Variants in MYRF observed in about 807,000 individuals in gnomAD.
The protein encoded by MYRF is myelin gene regulatory factor.
In MYRF, 16 loss-of-function variants were observed where a neutral mutation model predicts 126.3. The ratio of observed to expected loss-of-function variants is 0.13; its 90% confidence interval spans 0.09 to 0.19. The LOEUF is 0.19. MYRF is among the 10% of genes least tolerant of loss of function. The pLI, the probability that MYRF is intolerant of heterozygous loss-of-function variation, is 1.00. For missense variants in MYRF, 1,104 were observed against 1,547.0 expected (o/e 0.71, Z 4.80); for synonymous variants, 608 against 635.3 (o/e 0.96, Z 0.65).
chr11:61,784,043 T>G lies in MYRF; in HGVS notation c.3194+118T>G, dbSNP rs981792160. On this transcript the variant is annotated intron_variant, in intron 24 of 26. Coordinates refer to ENST00000278836, the MANE Select transcript of MYRF (RefSeq NM_001127392.3). ...AGAGTCTCTGGTATTTCCTGCATGG[T>G]GGGATAAGTGCTGACTTCATTGCCT... is the stretch of plus-strand genomic sequence containing the variant. The G allele has an allele frequency of 2.0e-4, 255 of 1,263,930 alleles. 3 individuals are homozygous for G. In the South Asian group the frequency reaches 3.2e-3, roughly 16 times the overall value. 78.3% of individuals were successfully genotyped at this position (1,263,930 alleles called of 1,614,324 possible).
Position 61,786,268 on chromosome 11 carries a change from G to A in MYRF, c.*125G>A, listed in dbSNP as rs766607632. On this transcript the variant is annotated 3_prime_UTR_variant, in exon 27 of 27. Transcript: ENST00000278836. This position sits in a 1 kb window ranked among gnomAD's most constrained non-coding sequence, Gnocchi z 4.5. ...GCTCTGCTGTTCACTGGCCCTACCC[G>A]AGACTGGTGAAACTGGAAGTCTTCA... 6.9e-5 allele frequency: 61 copies of A among 887,336 alleles called. No individual in the cohort carries two copies. The highest frequency in any genetic ancestry group is 9.1e-5 in the Non-Finnish European group (51 of 562,562). The allele number at this position is 887,336 out of a possible 1,614,324, so 55.0% of individuals were successfully genotyped here. A position where few individuals can be genotyped will look rare whatever the true frequency, so the allele number is the denominator to read the frequency against.
At chr11:61,782,037 G>A (rs1276735522) in intron 22 of MYRF, 11 of 529,240 alleles carry the variant, frequency 2.1e-5, no homozygotes, top group African/African-American at 3.9e-5. Context: ...AGGAATTGTT[G>A]TTCCTATTGT....
chr11:61,780,900 A>G, intron 19 of MYRF, 60 bp from the exon 20 acceptor site: 1 of 1,597,078 alleles, frequency 6.3e-7, no homozygotes, highest in Non-Finnish European at 8.5e-7. Context: ...CAGGACTGTC[A>G]GGCCCTCTCC....
At chr11:61,785,705 C>A in intron 25 of MYRF, 95 bp from the exon 26 acceptor site, 1 of 986,440 alleles carries the variant, frequency 1.0e-6, no homozygotes, top group Non-Finnish European at 1.6e-6. Context: ...TCATAAAACT[C>A]CCCACAGACC....
intron 3 of MYRF, chr11:61,766,838 G>A (rs1313849302): frequency 1.1e-5 from 4 of 353,112 alleles, no homozygotes; most frequent in Admixed American, 3.7e-5. Flanking sequence ...TGCTCACAGC[G>A]GGAGGCTGGG....
Position 61,781,738 on chromosome 11 carries a change from G to C in MYRF, c.2930G>C (p.Ser977Thr). ...CAGGGCAAAGCCAAGAACAGTCCCA[G>C]CCTTGGTTTCCATGGCCGGGCCCGC... ...GGQGKAKNSP[S>T]LGFHGRARRG... Residue 977 changes from serine to threonine, a missense_variant, in exon 22 of 27, where the codon AGC (serine) becomes ACC (threonine). This residue lies in a region of MYRF where 323 missense variants were observed against 383.1 expected (regional missense o/e 0.84). Coordinates refer to ENST00000278836, the MANE Select transcript of MYRF (RefSeq NM_001127392.3). The C allele has an allele frequency of 6.2e-7, 1 of 1,612,702 alleles. No homozygotes were observed. The highest frequency in any genetic ancestry group is 8.5e-7 in the Non-Finnish European group (1 of 1,179,752).
chr11:61,780,031 G>A lies in MYRF; in HGVS notation c.2336+101G>A, dbSNP rs1327796054. 6 of 1,274,178 alleles carry A rather than the reference G, an allele frequency of 4.7e-6. No homozygotes were observed. The African/African-American group carries it at 7.4e-5, about 16-fold the overall frequency. 78.9% of individuals were successfully genotyped at this position (1,274,178 alleles called of 1,614,324 possible). A position where few individuals can be genotyped will look rare whatever the true frequency, so the allele number is the denominator to read the frequency against. ...CTCAGGCCTGGGGGAAGAGGAGGAT[G>A]TAGCTTGGGAGATCAGGCAGCTGAG... On this transcript the variant is annotated intron_variant, in intron 17 of 26. Transcript: ENST00000278836.
Position 61,776,575 on chromosome 11 carries a change from C to A in MYRF, c.1499+143C>A. 1.3e-6 allele frequency: 1 copy of A among 773,074 alleles called. No homozygotes were observed. The highest frequency in any genetic ancestry group is 2.1e-6 in the Non-Finnish European group (1 of 477,084). 47.9% of individuals were successfully genotyped at this position (773,074 alleles called of 1,614,324 possible). ...CCTGAGATTTAGAGCCCTTCATTGA[C>A]TTAAGGATGGGAAGAGCAGAAGCCT... On this transcript the variant is annotated intron_variant, in intron 10 of 26. Coordinates refer to ENST00000278836, the MANE Select transcript of MYRF (RefSeq NM_001127392.3). This position sits in a 1 kb window ranked among gnomAD's most constrained non-coding sequence, Gnocchi z 4.3.
intron 1 of MYRF, chr11:61,755,388 G>C: frequency 2.5e-6 from 4 of 1,601,072 alleles, no homozygotes; most frequent in Non-Finnish European, 3.4e-6. Context: ...AGATCGGCGG[G>C]CACAGGGCCT....
chr11:61,756,637 A>G (rs576384505), intron 1 of MYRF, among the ~76,000 whole-genome samples: 1 of 115,612 alleles, frequency 8.6e-6, no homozygotes, highest in African/African-American at 3.5e-5. Context: ...GTGGGCAGGA[A>G]GTGCTCTCCG....
rs1393804984 is a variant in MYRF, at chr11:61,757,817, G to A, written c.46+5027G>A. Among the ~76,000 whole-genome samples the A allele has an allele frequency of 1.3e-5, 2 of 152,172 alleles. No homozygotes were observed. Among genetic ancestry groups the A allele is most frequent in the East Asian group, 3.9e-4 (2 of 5,188 alleles). ...CTCCCATTTCTGAGGGGGACTGTGA[G>A]GCAGGACAGGAAGGCGATGATGTGT... is the stretch of plus-strand genomic sequence containing the variant. On this transcript the variant is annotated intron_variant, in intron 1 of 26. Transcript: ENST00000278836. This position sits in a 1 kb window ranked among gnomAD's most constrained non-coding sequence, Gnocchi z 4.7.
Position 61,776,200 on chromosome 11 carries a change from A to C in MYRF, c.1388+68A>C, listed in dbSNP as rs2006911681. 1 of 1,594,398 alleles carries C rather than the reference A, an allele frequency of 6.3e-7. No individual in the cohort carries two copies. The highest frequency in any genetic ancestry group is 8.6e-7 in the Non-Finnish European group (1 of 1,162,818). On this transcript the variant is annotated intron_variant, in intron 9 of 26. Transcript: ENST00000278836. This position sits in a 1 kb window ranked among gnomAD's most constrained non-coding sequence, Gnocchi z 4.3. ...ACAACTAAAGCTGGCTTGGGAATGG[A>C]GGGGCCAGGGAGGTACCCAGGGTGT...
intron 7 of MYRF, among the ~76,000 whole-genome samples, chr11:61,773,274 C>G (rs2066276859): frequency 6.6e-6 from 1 of 152,174 alleles, no homozygotes; most frequent in African/African-American, 2.4e-5. Flanking sequence ...AGGCGTGAGC[C>G]ACCGCACCTG....
At position 61,777,746 on chromosome 11, in the gene MYRF, G is replaced by A; in HGVS notation, c.1804G>A (p.Glu602Lys). Residue 602 changes from glutamate (E) to lysine (K), a missense_variant, in exon 13 of 27, where the codon GAG (glutamate) becomes AAG (lysine). By Grantham distance (56) the Glu-to-Lys change is moderately conservative. Around this residue, in one of 10 missense-constraint regions of MYRF, gnomAD observed 123 missense variants for 209.1 expected, o/e 0.59. Coordinates refer to ENST00000278836, the MANE Select transcript of MYRF (RefSeq NM_001127392.3). The surrounding 1 kb of genome is among the most constrained non-coding windows in gnomAD (Gnocchi z 8.8). ...TGGCTCCCCGCAGGTGGACACCACC[G>A]AGCAATTGAAGAGGATCTCGCGCAT... Reference protein sequence around the residue: ...KEHVQEVDTTEQLKRISRMRL... With the variant: ...KEHVQEVDTTKQLKRISRMRL... 1 of 1,551,048 alleles carries A rather than the reference G, an allele frequency of 6.4e-7. No individual in the cohort carries two copies. The highest frequency in any genetic ancestry group is 8.7e-7 in the Non-Finnish European group (1 of 1,146,514).
rs1203511904 is a variant in MYRF at position 61,780,943 on chromosome 11, C to T, written c.2487-17C>T. 6.2e-7 allele frequency: 1 copy of T among 1,608,864 alleles called. No homozygotes were observed. Among genetic ancestry groups the T allele is most frequent in the Non-Finnish European group, 8.5e-7 (1 of 1,179,852 alleles). ...CTCTCCCAGCCCCTCTGAGCTCAGC[C>T]CATCCTTCCCCAGCAGGTCCAGCCA... On this transcript the variant is annotated splice_polypyrimidine_tract_variant and intron_variant, in intron 19 of 26. Coordinates refer to ENST00000278836, the MANE Select transcript of MYRF (RefSeq NM_001127392.3).
At chr11:61,779,660 C>T (rs2066486107) in intron 16 of MYRF, 90 bp downstream of exon 16, 3 of 1,295,728 alleles carry the variant, frequency 2.3e-6, no homozygotes, top group Non-Finnish European at 3.1e-6. Context: ...GCCTCACTGC[C>T]TCTGGTGCTT....
chr11:61,785,420 G>A (rs1161571962), intron 25 of MYRF: 10 of 191,392 alleles, frequency 5.2e-5, no homozygotes, highest in Non-Finnish European at 1.1e-4. Context: ...TTTAGGAAGT[G>A]GCTCAGTTTC....
Position 61,781,908 on chromosome 11 carries a change from G to C in MYRF, c.3016+84G>C, listed in dbSNP as rs1048578783. ...CCCACCTCAGCCCAGTCATGTGACT[G>C]TCTGGGTTCAGACTTGTCAGTCAAT... On this transcript the variant is annotated intron_variant, in intron 22 of 26. Coordinates refer to ENST00000278836, the MANE Select transcript of MYRF (RefSeq NM_001127392.3). 1.3e-4 allele frequency: 180 copies of C among 1,430,730 alleles called. 1 individual carries two copies. The African/African-American group carries it at 2.2e-3, about 18-fold the overall frequency. 88.6% of individuals were successfully genotyped at this position (1,430,730 alleles called of 1,614,324 possible).
Position 61,781,016 on chromosome 11 carries a change from T to A in MYRF, c.2543T>A (p.Leu848Gln). The change falls in exon 20 of 27, where the codon CTA (leucine) becomes CAA (glutamine). Residue 848 changes from leucine to glutamine, a missense_variant. This residue lies in a region of MYRF where 323 missense variants were observed against 383.1 expected (regional missense o/e 0.84). Transcript: ENST00000278836. ...CGACAGTCCCCCTTGACCACGGGGC[T>A]ACCAGGCATACAGCCCTCTTTGCTG... The part of the protein sequence containing the change: ...QLRQSPLTTG[L>Q]PGIQPSLLLV... The A allele has an allele frequency of 6.2e-7, 1 of 1,610,018 alleles. No homozygotes were observed. The highest frequency in any genetic ancestry group is 8.5e-7 in the Non-Finnish European group (1 of 1,179,978).
Sources: allele counts gnomAD v4.1 joint callset (sites outside exome capture counted in the v4.1 genomes callset), GRCh38; gene constraint gnomAD v4.1.1; regional missense constraint gnomAD v4.1.1; non-coding constraint Gnocchi (gnomAD v3.1); transcripts MANE v1.5; gene names NCBI Gene and HGNC (gene_info 2026-07-23, HGNC 2026-07-21).